PPM1G: variants seen among roughly 807,000 people sequenced by gnomAD.
The protein encoded by PPM1G is protein phosphatase, Mg2+/Mn2+ dependent 1G.
Under a neutral mutation model 59.4 loss-of-function variants are expected in PPM1G, and 12 were observed. That is an observed-to-expected ratio of 0.20 (90% CI 0.13 to 0.33). The LOEUF is 0.33. Ranked by LOEUF, PPM1G falls within the 10% of genes least tolerant of loss-of-function variation. The probability of loss-of-function intolerance (pLI) is 1.00; values close to 1 mark genes in which losing one functional copy is unlikely to be tolerated. For missense variants in PPM1G, 392 were observed against 681.3 expected (o/e 0.58, Z 4.73); for synonymous variants, 245 against 251.9 (o/e 0.97, Z 0.26).
intron 1 of PPM1G, among the ~76,000 whole-genome samples, chr2:27,401,695 G>A (rs967835675): frequency 3.9e-5 from 6 of 152,254 alleles, no homozygotes; most frequent in South Asian, 2.1e-4. Context: ...GTGTGGTGGC[G>A]TGAGCCTGTA....
chr2:27,383,177 G>C lies in PPM1G; in HGVS notation c.1201+189C>G, dbSNP rs572553834. Reference sequence around the variant, plus strand: ...ATCATTCAAATGTTACATAAGATGGGTATAATGATACCTATGTATAATGAT... The same window carrying C: ...ATCATTCAAATGTTACATAAGATGGCTATAATGATACCTATGTATAATGAT... On this transcript the variant is annotated intron_variant, in intron 7 of 9. Transcript: ENST00000344034. This position sits in a 1 kb window ranked among gnomAD's most constrained non-coding sequence, Gnocchi z 5.0. 1.3e-5 allele frequency among the ~76,000 whole-genome samples: 2 copies of C among 152,202 alleles called. No individual in the cohort carries two copies. The highest frequency in any genetic ancestry group is 3.9e-4 in the East Asian group (2 of 5,182).
intron 2 of PPM1G, chr2:27,386,847 T>G (rs1430374191): frequency 2.9e-6 from 1 of 341,882 alleles, no homozygotes; most frequent in African/African-American, 2.1e-5. Context: ...CTAAAAATTT[T>G]AAAAAATAAA....
chr2:27,408,969 C>T (rs1219294763), intron 1 of PPM1G, among the ~76,000 whole-genome samples: 3 of 152,250 alleles, frequency 2.0e-5, no homozygotes, highest in Non-Finnish European at 4.4e-5. Flanking sequence ...CGTCTTTACT[C>T]CCACACTAAA....
At chr2:27,388,030 T>C (rs1023015816) in intron 1 of PPM1G, among the ~76,000 whole-genome samples, 3 of 151,348 alleles carry the variant, frequency 2.0e-5, no homozygotes, top group African/African-American at 7.3e-5. Context: ...GATCTCCTGA[T>C]CTCGGGATCC....
At chr2:27,399,161 C>CAACAACAAT (rs1287773481) in intron 1 of PPM1G, among the ~76,000 whole-genome samples, 15 of 151,766 alleles carry the variant, frequency 9.9e-5, no homozygotes, top group Non-Finnish European at 2.2e-4. Context: ...ACAACAACAA[C>CAACAACAAT]AACAACAACA....
intron 1 of PPM1G, chr2:27,393,388 G>A (rs1012194761): frequency 3.4e-6 from 5 of 1,467,604 alleles, no homozygotes; most frequent in South Asian, 2.3e-5. Context: ...AAGGAGAGGC[G>A]GCGGCAGCGG....
chr2:27,385,731 G>A lies in PPM1G; in HGVS notation c.409+16C>T, dbSNP rs1280001055. ...AAAATGCTGATTTCCCCTCAAACAAGGGATGCCACACTCACCATCATCTTC... is the reference window on the plus strand; with the variant it reads ...AAAATGCTGATTTCCCCTCAAACAAAGGATGCCACACTCACCATCATCTTC... On this transcript the variant is annotated intron_variant, in intron 4 of 9. Transcript: ENST00000344034. This position sits in a 1 kb window ranked among gnomAD's most constrained non-coding sequence, Gnocchi z 4.1. 1.3e-6 allele frequency: 2 copies of A among 1,595,370 alleles called. No individual in the cohort carries two copies. Among genetic ancestry groups the A allele is most frequent in the Admixed American group, 1.8e-5 (1 of 54,184 alleles).
rs1036735979 is a variant in PPM1G at position 27,383,694 on chromosome 2, G to T, written c.967-94C>A. The T allele has an allele frequency of 4.6e-5, 60 of 1,316,198 alleles. No homozygotes were observed. Among genetic ancestry groups the T allele is most frequent in the Non-Finnish European group, 6.2e-5 (59 of 959,120 alleles). 81.5% of individuals were successfully genotyped at this position (1,316,198 alleles called of 1,614,324 possible). On this transcript the variant is annotated intron_variant, in intron 6 of 9. Transcript: ENST00000344034. The surrounding 1 kb of genome is among the most constrained non-coding windows in gnomAD (Gnocchi z 5.0). ...CGTTCACCTATGCTTGCTTTCACTG[G>T]GACCCCCAAAAGAGCTTTAACAAAC...
intron 1 of PPM1G, among the ~76,000 whole-genome samples, chr2:27,400,082 A>C (rs1684147095): frequency 6.6e-6 from 1 of 152,180 alleles, no homozygotes; most frequent in Admixed American, 6.5e-5. Context: ...GATTCATGAC[A>C]CAACATTGAT....
At chr2:27,390,444 C>T (rs1158437492) in intron 1 of PPM1G, among the ~76,000 whole-genome samples, 1 of 152,082 alleles carries the variant, frequency 6.6e-6, no homozygotes, top group Non-Finnish European at 1.5e-5. Flanking sequence ...TCCAAATAGC[C>T]GTTTTGGCAA....
At chr2:27,392,319 G>GAA (rs1683928885) in intron 1 of PPM1G, among the ~76,000 whole-genome samples, 1 of 135,716 alleles carries the variant, frequency 7.4e-6, no homozygotes. Flanking sequence ...TTGAGAGAGA[G>GAA]AATGTCTCCC....
At chr2:27,388,007 C>T (rs1683810122) in intron 1 of PPM1G, among the ~76,000 whole-genome samples, 1 of 149,812 alleles carries the variant, frequency 6.7e-6, no homozygotes, top group Non-Finnish European at 1.5e-5. Flanking sequence ...ACCTTGTTAG[C>T]CAGAATGGTC....
Position 27,407,327 on chromosome 2 carries a change from G to A in PPM1G, c.120+1976C>T, listed in dbSNP as rs6735579. The stretch of plus-strand genomic sequence containing the variant: ...CACCCAGATTGGAGTGCAGAGGGGC[G>A]ATCTTGGCTCAATGAAGGCTCTGCC... On this transcript the variant is annotated intron_variant, in intron 1 of 9. Transcript: ENST00000344034. Among the ~76,000 whole-genome samples, 1,164 of 152,238 alleles carry A rather than the reference G, an allele frequency of 7.6e-3. 19 individuals carry two copies. The highest frequency in any genetic ancestry group is 0.027 in the African/African-American group (1,110 of 41,530).
At chr2:27,391,019 T>C (rs1683887175) in intron 1 of PPM1G, among the ~76,000 whole-genome samples, 1 of 152,260 alleles carries the variant, frequency 6.6e-6, no homozygotes, top group Non-Finnish European at 1.5e-5. Context: ...TTTCATTATT[T>C]TTAATGGGTG....
At chr2:27,390,536 A>G (rs1045440080) in intron 1 of PPM1G, among the ~76,000 whole-genome samples, 8 of 152,318 alleles carry the variant, frequency 5.3e-5, no homozygotes, top group South Asian at 2.1e-4. Context: ...CCTGGGCAAC[A>G]TAGTGAGACC....
chr2:27,387,232 C>A lies in PPM1G; in HGVS notation c.121-74G>T. 9 of 1,252,074 alleles carry A rather than the reference C, an allele frequency of 7.2e-6. No homozygotes were observed. In the South Asian group the frequency reaches 9.7e-5, roughly 14 times the overall value. 77.6% of individuals were successfully genotyped at this position (1,252,074 alleles called of 1,614,324 possible). A position where few individuals can be genotyped will look rare whatever the true frequency, so the allele number is the denominator to read the frequency against. On this transcript the variant is annotated intron_variant, in intron 1 of 9. Coordinates refer to ENST00000344034, the MANE Select transcript of PPM1G (RefSeq NM_177983.3). ...CCTCAGGTCATAGGGATCAATGTCACCCCTTACTAACCTTTCCCTGGCTGG... is the reference window on the plus strand; with the variant it reads ...CCTCAGGTCATAGGGATCAATGTCAACCCTTACTAACCTTTCCCTGGCTGG...
chr2:27,396,819 C>CCAAAAAAA (rs1553313910), intron 1 of PPM1G, among the ~76,000 whole-genome samples: 5 of 125,384 alleles, frequency 4.0e-5, no homozygotes, highest in African/African-American at 1.3e-4. Context: ...CCGTCTCCAA[C>CCAAAAAAA]AAAAAAAAAA....
At chr2:27,402,829 TAAATAAATA>T (rs1684215772) in intron 1 of PPM1G, among the ~76,000 whole-genome samples, 4 of 142,366 alleles carry the variant, frequency 2.8e-5, no homozygotes, top group African/African-American at 1.1e-4. Flanking sequence ...AATAAATAAA[TAAATAAATA>T]AATAAATAAA....
At chr2:27,395,077 A>T (rs530147179) in intron 1 of PPM1G, among the ~76,000 whole-genome samples, 29 of 151,942 alleles carry the variant, frequency 1.9e-4, no homozygotes, top group African/African-American at 6.5e-4. Context: ...TAAAAATACA[A>T]AAAATTAGCT....
Sources: allele counts gnomAD v4.1 joint callset (sites outside exome capture counted in the v4.1 genomes callset), GRCh38; gene constraint gnomAD v4.1.1; non-coding constraint Gnocchi (gnomAD v3.1); transcripts MANE v1.5; gene names NCBI Gene and HGNC (gene_info 2026-07-23, HGNC 2026-07-21).